NIFK: variants seen among roughly 807,000 people sequenced by gnomAD.
NIFK encodes the protein nucleolar protein interacting with the FHA domain of MKI67.
NIFK carries 16 observed loss-of-function variants against 31.7 expected under a neutral mutation model. The observed-to-expected ratio is 0.50, with a 90% CI of 0.34 to 0.77. The LOEUF is 0.77. Among genes scored for constraint, NIFK ranks in the 30% least tolerant of loss-of-function variants. The pLI is 0.01. For missense variants in NIFK, 341 were observed against 350.4 expected (o/e 0.97, Z 0.21); for synonymous variants, 126 against 123.0 (o/e 1.02, Z -0.16).
chr2:121,732,366 T>C (rs544134884), intron 2 of NIFK, among the ~76,000 whole-genome samples, 162 bp from the exon 3 acceptor site: 35 of 152,308 alleles, frequency 2.3e-4, no homozygotes, highest in African/African-American at 8.4e-4. Context: ...CGGGGACTGT[T>C]ATGGGAAAAA....
Position 121,736,870 on chromosome 2 carries a change from A to T in NIFK, c.-20T>A, listed in dbSNP as rs1396824524. 1 of 1,600,670 alleles carries T rather than the reference A, an allele frequency of 6.2e-7. No individual in the cohort carries two copies. Among genetic ancestry groups the T allele is most frequent in the East Asian group, 2.2e-5 (1 of 44,818 alleles). On this transcript the variant is annotated 5_prime_UTR_variant, in exon 1 of 7. Coordinates refer to ENST00000285814, the MANE Select transcript of NIFK (RefSeq NM_032390.5). ...CGCCATGCCAAAAGCCGCCGACGCTAACCACGCGGCGCTCCCGGAAACGTC... is the reference window on the plus strand; with the variant it reads ...CGCCATGCCAAAAGCCGCCGACGCTTACCACGCGGCGCTCCCGGAAACGTC...
Position 121,728,318 on chromosome 2 carries a change from A to G in NIFK, c.663T>C (p.Leu221=). The change falls in exon 6 of 7, where the codon CTT becomes CTC. Residue 221 remains leucine, a synonymous_variant. Transcript: ENST00000285814. The stretch of plus-strand genomic sequence containing the variant: ...TATCCACAGTCTTCTCAGGAGTGTC[A>G]AGAGTACCTGAAACTTTTTTCTTCT... ...RKKKKKVSGT[L]DTPEKTVDSQ... 6.2e-7 allele frequency: 1 copy of G among 1,608,346 alleles called. No individual in the cohort carries two copies.
rs146420488 is a variant in NIFK, at chr2:121,734,025, T to C, written c.243+1588A>G. On this transcript the variant is annotated intron_variant, in intron 2 of 6. Transcript: ENST00000285814. ...CGGGCTGGGCACAGTGGCTCGCTCA[T>C]GCTTGTAATCCCAGTACCTTGGGAG... 8.9e-3 allele frequency among the ~76,000 whole-genome samples: 1,357 copies of C among 152,262 alleles called. 22 individuals are homozygous for C. The highest frequency in any genetic ancestry group is 0.031 in the African/African-American group (1,307 of 41,548).
chr2:121,729,757 G>A (rs1395588493), intron 4 of NIFK, among the ~76,000 whole-genome samples: 3 of 152,186 alleles, frequency 2.0e-5, no homozygotes, highest in African/African-American at 7.2e-5. Context: ...GAGTATTACA[G>A]TCTTTAGTTA....
chr2:121,729,422 A>G (rs2074520582), intron 4 of NIFK, among the ~76,000 whole-genome samples: 1 of 151,976 alleles, frequency 6.6e-6, no homozygotes, highest in African/African-American at 2.4e-5. Context: ...TAGCCATACC[A>G]TAATAAGCTT....
intron 2 of NIFK, among the ~76,000 whole-genome samples, chr2:121,733,206 G>A (rs951530920): frequency 4.6e-5 from 7 of 151,754 alleles, no homozygotes; most frequent in African/African-American, 9.7e-5. Flanking sequence ...TGGTGAAACC[G>A]TGTCTCTACT....
At chr2:121,733,830 T>C (rs1218197417) in intron 2 of NIFK, among the ~76,000 whole-genome samples, 1 of 152,258 alleles carries the variant, frequency 6.6e-6, no homozygotes, top group Non-Finnish European at 1.5e-5. Context: ...TGGTTTGTGC[T>C]GTAAAACTTT....
rs917979299 is a variant in NIFK at position 121,726,983 on chromosome 2, T to C, written c.*741A>G. On this transcript the variant is annotated 3_prime_UTR_variant, in exon 7 of 7. Transcript: ENST00000285814. The stretch of plus-strand genomic sequence containing the variant: ...TTTTTAATGAGTCTGAATTCGTTAA[T>C]GAAGGGGAAAATTTATTATTTTTTT... 1.9e-5 allele frequency: 3 copies of C among 160,104 alleles called. No homozygotes were observed. The highest frequency in any genetic ancestry group is 7.2e-5 in the African/African-American group (3 of 41,604). The allele number at this position is 160,104 out of a possible 1,614,324, so 9.9% of individuals were successfully genotyped here.
At chr2:121,733,675 C>T (rs1282022458) in intron 2 of NIFK, among the ~76,000 whole-genome samples, 3 of 151,632 alleles carry the variant, frequency 2.0e-5, no homozygotes, top group South Asian at 2.1e-4. Context: ...AGTGAGACTC[C>T]GTCGCAAACA....
At position 121,736,657 on chromosome 2, in the gene NIFK, C is replaced by A. The variant is rs1330442286; in HGVS notation, c.105+89G>T. The A allele has an allele frequency of 3.6e-6, 4 of 1,119,512 alleles. No homozygotes were observed. In the South Asian group the frequency reaches 3.7e-5, roughly 10 times the overall value. The allele number at this position is 1,119,512 out of a possible 1,614,324, so 69.3% of individuals were successfully genotyped here. ...TGAAGGCGAGCACGAAGGCAAGGGG[C>A]GCCCGGGCCGGAAACCGTGCAACCC... On this transcript the variant is annotated intron_variant, in intron 1 of 6. Transcript: ENST00000285814.
intron 1 of NIFK, among the ~76,000 whole-genome samples, chr2:121,736,210 T>A (rs958625005): frequency 6.6e-6 from 1 of 152,262 alleles, no homozygotes; most frequent in Non-Finnish European, 1.5e-5. Context: ...TAAGTTTTCC[T>A]GTGTATTTTA....
chr2:121,731,324 G>C, intron 3 of NIFK: 1 of 520,518 alleles, frequency 1.9e-6, no homozygotes, highest in Non-Finnish European at 3.4e-6. Flanking sequence ...TGCCACCATG[G>C]GCACAGGGAA....
chr2:121,730,807 G>A (rs1238745434), intron 4 of NIFK, 86 bp downstream of exon 4: 1 of 885,548 alleles, frequency 1.1e-6, no homozygotes, highest in South Asian at 1.4e-5. Flanking sequence ...ATTGTGGTAA[G>A]TGCTAGGCTA....
In NIFK at chr2:121,728,269, G is replaced by C; in HGVS notation, c.693+19C>G. On this transcript the variant is annotated intron_variant, in intron 6 of 6. Transcript: ENST00000285814. The stretch of plus-strand genomic sequence containing the variant: ...ATTTCTATAATATCTGGTGTCTGGA[G>C]TATTGAAAACCATTTTACCTGGCTA... The C allele has an allele frequency of 6.7e-7, 1 of 1,483,546 alleles. No individual in the cohort carries two copies. The highest frequency in any genetic ancestry group is 2.3e-5 in the East Asian group (1 of 44,074). The allele number at this position is 1,483,546 out of a possible 1,614,324, so 91.9% of individuals were successfully genotyped here. A position where few individuals can be genotyped will look rare whatever the true frequency, so the allele number is the denominator to read the frequency against.
Position 121,735,767 on chromosome 2 carries a change from C to T in NIFK, c.106-17G>A, listed in dbSNP as rs62151123. 6.2e-7 allele frequency: 1 copy of T among 1,600,480 alleles called. No individual in the cohort carries two copies. On this transcript the variant is annotated splice_polypyrimidine_tract_variant and intron_variant, in intron 1 of 6. Coordinates refer to ENST00000285814, the MANE Select transcript of NIFK (RefSeq NM_032390.5). ...TTTTTTTCGCTAAAGACGTAAAGAC[C>T]AGGTAAATTAAATATATAAATAAGA...
In NIFK at chr2:121,727,304, C is replaced by G. The variant is rs577295753; in HGVS notation, c.*420G>C. On this transcript the variant is annotated 3_prime_UTR_variant, in exon 7 of 7. Transcript: ENST00000285814. Reference sequence around the variant, plus strand: ...AGCTTCAACCATCTGATGTTGAAATCTAAAGCACCTCCATGAGTTAAATGT... The same window carrying G: ...AGCTTCAACCATCTGATGTTGAAATGTAAAGCACCTCCATGAGTTAAATGT... 1 of 411,532 alleles carries G rather than the reference C, an allele frequency of 2.4e-6. No homozygotes were observed. Among genetic ancestry groups the G allele is most frequent in the African/African-American group, 2.1e-5 (1 of 47,864 alleles). 25.5% of individuals were successfully genotyped at this position (411,532 alleles called of 1,614,324 possible). A position where few individuals can be genotyped will look rare whatever the true frequency, so the allele number is the denominator to read the frequency against.
intron 4 of NIFK, among the ~76,000 whole-genome samples, chr2:121,729,590 G>A (rs1023491597): frequency 1.3e-5 from 2 of 151,904 alleles, no homozygotes; most frequent in African/African-American, 2.4e-5. Context: ...TTAGCGATAC[G>A]GTCTTGCTCT....
chr2:121,731,414 G>C (rs758820261), intron 3 of NIFK, among the ~76,000 whole-genome samples: 2 of 152,186 alleles, frequency 1.3e-5, no homozygotes, highest in Admixed American at 6.5e-5. Context: ...CTGCAGGGTA[G>C]GGGGCTTCAC....
chr2:121,730,885 A>G lies in NIFK; in HGVS notation c.564+8T>C. 6.3e-7 allele frequency: 1 copy of G among 1,591,078 alleles called. No homozygotes were observed. The highest frequency in any genetic ancestry group is 8.6e-7 in the Non-Finnish European group (1 of 1,159,062). Reference sequence around the variant, plus strand: ...ACAAACCACAAAAAAGATTTCACGAATATTTACCAAAGAAGGAAAATCATA... The same window carrying G: ...ACAAACCACAAAAAAGATTTCACGAGTATTTACCAAAGAAGGAAAATCATA... On this transcript the variant is annotated splice_region_variant and intron_variant, in intron 4 of 6. Transcript: ENST00000285814.
Sources: gnomAD v4.1 joint callset for allele counts (sites outside exome capture counted in the v4.1 genomes callset) on GRCh38, gnomAD v4.1.1 for gene constraint, MANE v1.5 for transcripts, NCBI Gene and HGNC (gene_info 2026-07-23, HGNC 2026-07-21) for gene names.